IKZF2: variants seen among roughly 807,000 people sequenced by gnomAD.
IKZF2 encodes IKAROS family zinc finger 2.
In IKZF2, 15 loss-of-function variants were observed where a neutral mutation model predicts 49.2. That is an observed-to-expected ratio of 0.30 (90% confidence interval 0.20 to 0.47). The LOEUF is 0.47. Among genes scored for constraint, IKZF2 ranks in the 20% least tolerant of loss-of-function variants. The probability of loss-of-function intolerance (pLI) is 1.00; values close to 1 mark genes in which losing one functional copy is unlikely to be tolerated. For missense variants in IKZF2, 567 were observed against 664.6 expected, an observed-to-expected ratio of 0.85 and a Z score of 1.61; for synonymous variants, 227 against 221.4, an observed-to-expected ratio of 1.03 and a Z score of -0.23.
At chr2:213,037,857 C>T (rs1699188443) in intron 6 of IKZF2, among the ~76,000 whole-genome samples, 1 of 152,024 alleles carries the variant, frequency 6.6e-6, no homozygotes, top group Non-Finnish European at 1.5e-5. Flanking sequence ...AGAAAGTGGG[C>T]CAGGTGCCAG....
rs1318004647 is a variant in IKZF2, at chr2:213,130,123, G to A, written c.139+17585C>T. Among the ~76,000 whole-genome samples, 12 of 152,232 alleles carry A rather than the reference G, an allele frequency of 7.9e-5. No individual in the cohort carries two copies. The East Asian group carries it at 2.3e-3, about 29-fold the overall frequency. ...CTTCTCTATTTCTTCTCTTTAGATA[G>A]GGACACTAGATCTTGTTGTTCTATC... On this transcript the variant is annotated intron_variant, in intron 4 of 8. Transcript: ENST00000434687.
intron 4 of IKZF2, among the ~76,000 whole-genome samples, chr2:213,103,952 A>G (rs1269682053): frequency 6.6e-6 from 1 of 152,156 alleles, no homozygotes; most frequent in Non-Finnish European, 1.5e-5. Context: ...ATATTACATA[A>G]ATGATCAATT....
chr2:213,004,003 C>T lies in IKZF2; in HGVS notation c.*3357G>A, dbSNP rs528069703. ...AGAGTTGCCACTGGTCCTAAAGACA[C>T]ACTAGTAACTTCTTTAGTGATTCCT... On this transcript the variant is annotated 3_prime_UTR_variant, in exon 9 of 9. Coordinates refer to ENST00000434687, the MANE Select transcript of IKZF2 (RefSeq NM_001387220.1). The T allele has an allele frequency of 6.6e-6, 1 of 151,964 alleles. No individual in the cohort carries two copies. The highest frequency in any genetic ancestry group is 2.1e-4 in the South Asian group (1 of 4,816). The allele number at this position is 151,964 out of a possible 1,614,324, so 9.4% of individuals were successfully genotyped here.
chr2:213,061,386 A>C (rs1342614737), intron 4 of IKZF2, among the ~76,000 whole-genome samples: 8 of 151,556 alleles, frequency 5.3e-5, no homozygotes, highest in Non-Finnish European at 1.2e-4. Flanking sequence ...ATCTAAAACC[A>C]AATGGAGCAA....
intron 4 of IKZF2, among the ~76,000 whole-genome samples, chr2:213,121,047 T>G (rs1274400205): frequency 6.6e-6 from 1 of 152,218 alleles, no homozygotes; most frequent in Non-Finnish European, 1.5e-5. Context: ...TTAATTTTTT[T>G]ATTTATGTAT....
chr2:213,077,551 G>A (rs1378566061), intron 4 of IKZF2, among the ~76,000 whole-genome samples: 2 of 148,960 alleles, frequency 1.3e-5, no homozygotes, highest in Non-Finnish European at 3.0e-5. Flanking sequence ...TTGACCTTTG[G>A]GCTTCCAGTT....
rs936387728 is a variant in IKZF2, at chr2:213,120,773, C to T, written c.139+26935G>A. On this transcript the variant is annotated intron_variant, in intron 4 of 8. Transcript: ENST00000434687. The stretch of plus-strand genomic sequence containing the variant: ...TATTTATTTATTTTTGAGACAGTCT[C>T]GTAGTAACCCAGGCTGGAGTGCAGT... Among the ~76,000 whole-genome samples the T allele has an allele frequency of 1.6e-4, 24 of 152,076 alleles. 1 individual carries two copies. The highest frequency in any genetic ancestry group is 5.9e-4 in the Admixed American group (9 of 15,264).
intron 2 of IKZF2, among the ~76,000 whole-genome samples, chr2:213,149,715 T>A (rs2061207265): frequency 6.6e-6 from 1 of 151,738 alleles, no homozygotes; most frequent in African/African-American, 2.4e-5. Context: ...CAGCTTCACT[T>A]CTTGTCTCCA....
chr2:213,027,152 G>A (rs1190680825), intron 6 of IKZF2, among the ~76,000 whole-genome samples: 2 of 151,926 alleles, frequency 1.3e-5, no homozygotes, highest in African/African-American at 2.4e-5. Flanking sequence ...TTATTCATCA[G>A]GTTTAGAGAT....
At chr2:213,010,936 T>C (rs1267435574) in intron 8 of IKZF2, among the ~76,000 whole-genome samples, 1 of 152,104 alleles carries the variant, frequency 6.6e-6, no homozygotes, top group Admixed American at 6.6e-5. Flanking sequence ...GCATAGCTGT[T>C]AAGGATAAGT....
At chr2:213,065,449 G>A (rs779945568) in intron 4 of IKZF2, among the ~76,000 whole-genome samples, 30 of 151,950 alleles carry the variant, frequency 2.0e-4, no homozygotes, top group African/African-American at 6.8e-4. Flanking sequence ...GCTGATTTAC[G>A]TATGATATTT....
chr2:213,077,457 G>T (rs79165351), intron 4 of IKZF2, among the ~76,000 whole-genome samples: 3,327 of 151,772 alleles, frequency 0.022, 129 homozygotes, highest in African/African-American at 0.076. Flanking sequence ...TCAACAAAAT[G>T]AATGAAAATA....
rs758339030 is a variant in IKZF2 at position 213,056,775 on chromosome 2, G to C, written c.406+58C>G. The C allele has an allele frequency of 1.9e-6, 3 of 1,590,226 alleles. No homozygotes were observed. In the African/African-American group the frequency reaches 4.0e-5, roughly 21 times the overall value. On this transcript the variant is annotated intron_variant, in intron 5 of 8. Coordinates refer to ENST00000434687, the MANE Select transcript of IKZF2 (RefSeq NM_001387220.1). ...TAAAAAGGAAAGAGAATAGATGTCA[G>C]GTAATATCAACATCAGATGTCACAG...
chr2:213,012,744 A>G (rs989656234), intron 8 of IKZF2, among the ~76,000 whole-genome samples: 4 of 151,992 alleles, frequency 2.6e-5, no homozygotes, highest in Admixed American at 2.6e-4. Flanking sequence ...TTAAGTGTTT[A>G]TTGAAGTAAT....
chr2:213,065,206 A>C (rs1008283664), intron 4 of IKZF2, among the ~76,000 whole-genome samples: 1 of 152,114 alleles, frequency 6.6e-6, no homozygotes, highest in Admixed American at 6.6e-5. Flanking sequence ...ACATCATTAA[A>C]GGATCACTTA....
At position 213,005,415 on chromosome 2, in the gene IKZF2, T is replaced by A. The variant is rs930155091; in HGVS notation, c.*1945A>T. ...GAGCTGAGTTCTAACCATTTTTGCCTAGTTCTAGCTGTGTTAGTGCTTAGA... is the reference window on the plus strand; with the variant it reads ...GAGCTGAGTTCTAACCATTTTTGCCAAGTTCTAGCTGTGTTAGTGCTTAGA... On this transcript the variant is annotated 3_prime_UTR_variant, in exon 9 of 9. Coordinates refer to ENST00000434687, the MANE Select transcript of IKZF2 (RefSeq NM_001387220.1). The A allele has an allele frequency of 1.3e-5, 2 of 151,870 alleles. No homozygotes were observed. Among genetic ancestry groups the A allele is most frequent in the Admixed American group, 1.3e-4 (2 of 15,206 alleles). The allele number at this position is 151,870 out of a possible 1,614,324, so 9.4% of individuals were successfully genotyped here.
chr2:213,082,837 C>G (rs1041062757), intron 4 of IKZF2, among the ~76,000 whole-genome samples: 5 of 152,138 alleles, frequency 3.3e-5, no homozygotes, highest in Non-Finnish European at 7.4e-5. Context: ...CTTATTACAT[C>G]CATAAACACT....
intron 4 of IKZF2, among the ~76,000 whole-genome samples, chr2:213,123,091 A>C (rs1026464172): frequency 3.3e-4 from 50 of 152,204 alleles, no homozygotes; most frequent in African/African-American, 1.1e-3. Flanking sequence ...AGTGTTGCTA[A>C]TATCCTCAGA....
chr2:213,003,785 G>T lies in IKZF2; in HGVS notation c.*3575C>A, dbSNP rs979551283. On this transcript the variant is annotated 3_prime_UTR_variant, in exon 9 of 9. Coordinates refer to ENST00000434687, the MANE Select transcript of IKZF2 (RefSeq NM_001387220.1). ...ATAAAAACTATAAAAACAAAATACC[G>T]GGCTCACTAAACTATTCTTGTCTTT... The T allele has an allele frequency of 1.3e-5, 2 of 151,698 alleles. No homozygotes were observed. The highest frequency in any genetic ancestry group is 4.8e-5 in the African/African-American group (2 of 41,376). 9.4% of individuals were successfully genotyped at this position (151,698 alleles called of 1,614,324 possible).
Sources: allele counts gnomAD v4.1 joint callset (sites outside exome capture counted in the v4.1 genomes callset), GRCh38; gene constraint gnomAD v4.1.1; transcripts MANE v1.5; gene names NCBI Gene and HGNC (gene_info 2026-07-23, HGNC 2026-07-21).